CLYBL: variants seen among roughly 807,000 people sequenced by gnomAD.
CLYBL encodes citramalyl-CoA lyase.
Under a neutral mutation model 38.9 loss-of-function variants are expected in CLYBL, and 31 were observed. That is an observed-to-expected ratio of 0.80 (90% confidence interval 0.60 to 1.08). CLYBL has a LOEUF of 1.08. Ranked by LOEUF, CLYBL falls within the 50% of genes least tolerant of loss-of-function variation. The pLI, the probability that CLYBL is intolerant of heterozygous loss-of-function variation, is 0.00. For synonymous variants in CLYBL, 171 were observed against 158.6 expected, an observed-to-expected ratio of 1.08 and a Z score of -0.59; for missense variants, 434 against 411.6, an observed-to-expected ratio of 1.05 and a Z score of -0.47.
At chr13:99,809,627 C>T (rs957647429) in intron 2 of CLYBL, among the ~76,000 whole-genome samples, 1 of 152,234 alleles carries the variant, frequency 6.6e-6, no homozygotes, top group Non-Finnish European at 1.5e-5. Context: ...GCTGCAGGCC[C>T]CTTGGCTGTC....
intron 7 of CLYBL, among the ~76,000 whole-genome samples, chr13:99,878,836 C>CT (rs577602010): frequency 3.9e-5 from 6 of 152,308 alleles, no homozygotes; most frequent in Admixed American, 3.9e-4. Flanking sequence ...AAAACAAAGA[C>CT]TTGCCTACTC....
intron 2 of CLYBL, among the ~76,000 whole-genome samples, chr13:99,833,614 T>C (rs2050868001): frequency 6.8e-6 from 1 of 148,124 alleles, no homozygotes; most frequent in African/African-American, 2.5e-5. Context: ...CATCCCTGAG[T>C]GCCTAGGTAT....
At chr13:99,808,504 T>C (rs2050276910) in intron 2 of CLYBL, among the ~76,000 whole-genome samples, 1 of 152,132 alleles carries the variant, frequency 6.6e-6, no homozygotes, top group Admixed American at 6.5e-5. Flanking sequence ...AAAAAAAAAT[T>C]ATAGACTTAA....
At chr13:99,854,432 G>T (rs1428631214) in intron 2 of CLYBL, among the ~76,000 whole-genome samples, 3 of 151,008 alleles carry the variant, frequency 2.0e-5, no homozygotes, top group Non-Finnish European at 4.4e-5. Context: ...CATCCTATCC[G>T]ACAGTAGAAT....
At chr13:99,839,969 C>T (rs1324083616) in intron 2 of CLYBL, among the ~76,000 whole-genome samples, 5 of 141,492 alleles carry the variant, frequency 3.5e-5, no homozygotes, top group Non-Finnish European at 6.1e-5. Context: ...CCCACCCACC[C>T]GCACTCCCCA....
intron 1 of CLYBL, among the ~76,000 whole-genome samples, chr13:99,639,385 C>T (rs1324315670): frequency 6.6e-6 from 1 of 152,228 alleles, no homozygotes; most frequent in East Asian, 1.9e-4. Flanking sequence ...AATAACTCTA[C>T]TATGCTTTAA....
chr13:99,906,510 G>A (rs1292265962), intron 9 of CLYBL, among the ~76,000 whole-genome samples: 2 of 151,018 alleles, frequency 1.3e-5, no homozygotes, highest in African/African-American at 4.9e-5. Context: ...TACCACCTCC[G>A]CCTCCCGGGT....
At chr13:99,893,686 C>G (rs966637787), downstream of CLYBL, 1 of 153,268 alleles carries the variant, frequency 6.5e-6, no homozygotes, top group Non-Finnish European at 1.4e-5. Context: ...AGCCAGCCAG[C>G]CAGCCCCACA....
At chr13:99,768,467 A>AGCCACTGCGCCCGACCTCTGCG (rs2049314614) in intron 1 of CLYBL, among the ~76,000 whole-genome samples, 1 of 139,744 alleles carries the variant, frequency 7.2e-6, no homozygotes, top group Non-Finnish European at 1.5e-5. Flanking sequence ...TGCTGGGATT[A>AGCCACTGCGCCCGACCTCTGCG]CAGGTGTGAG....
chr13:99,628,480 C>T (rs1454118749), intron 1 of CLYBL, among the ~76,000 whole-genome samples: 1 of 152,206 alleles, frequency 6.6e-6, no homozygotes, highest in Non-Finnish European at 1.5e-5. Context: ...GAGTGAGAGA[C>T]ATGGCCTCAT....
chr13:99,893,870 C>T (rs1207292141), downstream of CLYBL: 1 of 152,616 alleles, frequency 6.6e-6, no homozygotes, highest in Non-Finnish European at 1.5e-5. Context: ...GTCCCAACCA[C>T]ATTGGACTGC....
intron 7 of CLYBL, among the ~76,000 whole-genome samples, chr13:99,881,695 T>G (rs2052215759): frequency 6.6e-6 from 1 of 152,100 alleles, no homozygotes; most frequent in South Asian, 2.1e-4. Context: ...CCAAAGTGAT[T>G]ACAAGCGTTG....
At chr13:99,745,872 G>A (rs1371586422) in intron 1 of CLYBL, among the ~76,000 whole-genome samples, 3 of 124,774 alleles carry the variant, frequency 2.4e-5, no homozygotes, top group Non-Finnish European at 5.1e-5. Context: ...AATAATCAAG[G>A]GACTGTGGCT....
chr13:99,738,722 C>T (rs984449772), intron 1 of CLYBL, among the ~76,000 whole-genome samples: 1 of 152,084 alleles, frequency 6.6e-6, no homozygotes, highest in Non-Finnish European at 1.5e-5. Flanking sequence ...TTAGACTTTA[C>T]TAGATCACTC....
At chr13:99,745,540 G>A (rs2048833312) in intron 1 of CLYBL, among the ~76,000 whole-genome samples, 1 of 152,200 alleles carries the variant, frequency 6.6e-6, no homozygotes, top group Non-Finnish European at 1.5e-5. Context: ...AAAGGAATTA[G>A]TGCTTATAGC....
intron 7 of CLYBL, among the ~76,000 whole-genome samples, chr13:99,873,419 C>T (rs759678444): frequency 3.3e-5 from 5 of 152,038 alleles, no homozygotes; most frequent in Admixed American, 6.5e-5. Context: ...ACACGTGAAC[C>T]CTCAGATATT....
intron 1 of CLYBL, among the ~76,000 whole-genome samples, chr13:99,665,720 T>C (rs961859833): frequency 2.6e-4 from 40 of 152,318 alleles, no homozygotes; most frequent in African/African-American, 8.7e-4. Context: ...CAAATATACA[T>C]TTTGCATTCT....
At chr13:99,692,289 T>G (rs9554628) in intron 1 of CLYBL, among the ~76,000 whole-genome samples, 9,833 of 133,522 alleles carry the variant, frequency 0.074, 1,094 homozygotes, top group African/African-American at 0.24. Context: ...TTTTTTTGTT[T>G]TTTTTTTTTT....
chr13:99,903,837 A>G (rs2052667012), intron 8 of CLYBL, among the ~76,000 whole-genome samples: 1 of 152,202 alleles, frequency 6.6e-6, no homozygotes, highest in Admixed American at 6.5e-5. Context: ...AATTTAAATT[A>G]CAGTCTGAGC....
Sources: allele counts gnomAD v4.1 joint callset (sites outside exome capture counted in the v4.1 genomes callset), GRCh38; gene constraint gnomAD v4.1.1; transcripts MANE v1.5; gene names NCBI Gene and HGNC (gene_info 2026-07-23, HGNC 2026-07-21).